Variants in MOCOS observed in about 807,000 individuals in gnomAD.
MOCOS encodes human molybdenum cofactor sulfurase.
MOCOS carries 86 observed loss-of-function variants against 83.6 expected under a neutral mutation model. The ratio of observed to expected loss-of-function variants is 1.03; its 90% CI spans 0.86 to 1.23. MOCOS has a LOEUF of 1.23. Ranked by LOEUF, MOCOS falls within the 50% of genes most tolerant of loss-of-function variation. The pLI is 0.00. For missense variants in MOCOS, 1,120 were observed against 1,126.9 expected, an observed-to-expected ratio of 0.99 and a Z score of 0.09; for synonymous variants, 445 against 434.7, an observed-to-expected ratio of 1.02 and a Z score of -0.29.
At chr18:36,238,193 T>C (rs2091566855) in intron 9 of MOCOS, among the ~76,000 whole-genome samples, 1 of 141,464 alleles carries the variant, frequency 7.1e-6, no homozygotes, top group Non-Finnish European at 1.5e-5. Flanking sequence ...ATGTGTTTGC[T>C]CTTGCTTTTC....
intron 9 of MOCOS, among the ~76,000 whole-genome samples, chr18:36,231,225 C>T (rs1364911279): frequency 1.3e-5 from 2 of 151,918 alleles, no homozygotes; most frequent in African/African-American, 2.4e-5. Flanking sequence ...TATTACATTA[C>T]TAGATTGTCT....
intron 9 of MOCOS, among the ~76,000 whole-genome samples, chr18:36,243,404 C>T (rs145194753): frequency 6.6e-6 from 1 of 152,102 alleles, no homozygotes; most frequent in African/African-American, 2.4e-5. Flanking sequence ...GTTTATGTGG[C>T]ATATCACATT....
At chr18:36,213,301 C>A (rs2091462064) in intron 6 of MOCOS, 65 bp from the exon 7 acceptor site, 3 of 1,244,734 alleles carry the variant, frequency 2.4e-6, no homozygotes, top group Non-Finnish European at 3.6e-6. Flanking sequence ...AAATCCTGAT[C>A]TGAATCTCTC....
At chr18:36,197,762 A>G (rs1423282332) in intron 2 of MOCOS, among the ~76,000 whole-genome samples, 2 of 152,118 alleles carry the variant, frequency 1.3e-5, no homozygotes, top group Middle Eastern at 6.8e-3. Context: ...ATAGAGTAAG[A>G]TTGTGTCTCT....
chr18:36,271,009 T>C lies in MOCOS; in HGVS notation c.*2324T>C, dbSNP rs1021726372. ...TTTTTTTTCTTTTTTTTCTTTTTGG[T>C]AGAGATGGCATCTCACTTTGTTGCC... On this transcript the variant is annotated 3_prime_UTR_variant, in exon 15 of 15. Coordinates refer to ENST00000261326, the MANE Select transcript of MOCOS (RefSeq NM_017947.4). 2.0e-5 allele frequency: 3 copies of C among 151,836 alleles called. No individual in the cohort carries two copies. The East Asian group carries it at 5.8e-4, about 30-fold the overall frequency. The allele number at this position is 151,836 out of a possible 1,614,324, so 9.4% of individuals were successfully genotyped here. A position where few individuals can be genotyped will look rare whatever the true frequency, so the allele number is the denominator to read the frequency against.
intron 6 of MOCOS, among the ~76,000 whole-genome samples, chr18:36,211,109 A>G (rs1047067763): frequency 1.3e-5 from 2 of 152,158 alleles, no homozygotes; most frequent in African/African-American, 4.8e-5. Flanking sequence ...AAGAAAGTGC[A>G]GTTACGGTTT....
At chr18:36,187,763 G>A in intron 1 of MOCOS, 82 bp downstream of exon 1, 7 of 1,229,418 alleles carry the variant, frequency 5.7e-6, no homozygotes, top group Non-Finnish European at 7.1e-6. Context: ...TGAGAGCGGC[G>A]CTACCTCATT....
At chr18:36,252,439 T>TC (rs2091625480) in intron 11 of MOCOS, among the ~76,000 whole-genome samples, 1 of 152,158 alleles carries the variant, frequency 6.6e-6, no homozygotes, top group African/African-American at 2.4e-5. Flanking sequence ...ATGCCTATAG[T>TC]CCCAGCTACT....
chr18:36,211,535 G>A (rs533129878), intron 6 of MOCOS, among the ~76,000 whole-genome samples: 1 of 152,144 alleles, frequency 6.6e-6, no homozygotes, highest in Admixed American at 6.5e-5. Context: ...AAAGGCTCCC[G>A]GGCTGGGAGC....
At chr18:36,241,721 G>C (rs924386332) in intron 9 of MOCOS, among the ~76,000 whole-genome samples, 6 of 152,222 alleles carry the variant, frequency 3.9e-5, no homozygotes, top group African/African-American at 1.4e-4. Flanking sequence ...GCAGACTTCT[G>C]TCTGGATATC....
chr18:36,187,655 G>T lies in MOCOS; in HGVS notation c.116G>T (p.Arg39Leu). The T allele has an allele frequency of 8.0e-7, 1 of 1,255,768 alleles. No homozygotes were observed. 77.8% of individuals were successfully genotyped at this position (1,255,768 alleles called of 1,614,324 possible). A position where few individuals can be genotyped will look rare whatever the true frequency, so the allele number is the denominator to read the frequency against. The change falls in exon 1 of 15, where the codon CGG becomes CTG. Residue 39 changes from arginine (R) to leucine (L), a missense_variant. Coordinates refer to ENST00000261326, the MANE Select transcript of MOCOS (RefSeq NM_017947.4). Reference protein sequence around the residue: ...GYGPGSLRELRAREFSRLAGT... With the variant: ...GYGPGSLRELLAREFSRLAGT... ...GGCCCGGGCAGCCTGCGCGAGCTGC[G>T]GGCGCGCGAGTTCAGCCGCCTGGCA...
chr18:36,198,507 A>G (rs2091399150), intron 2 of MOCOS, among the ~76,000 whole-genome samples, 183 bp from the exon 3 acceptor site: 1 of 152,232 alleles, frequency 6.6e-6, no homozygotes, highest in South Asian at 2.1e-4. Context: ...GAACATTCCC[A>G]TGCAAGTCTG....
At chr18:36,216,452 CA>C (rs1294757263) in intron 8 of MOCOS, among the ~76,000 whole-genome samples, 5 of 152,158 alleles carry the variant, frequency 3.3e-5, no homozygotes, top group African/African-American at 1.2e-4. Context: ...AAGTCTTTGG[CA>C]ATATGTACAT....
intron 1 of MOCOS, among the ~76,000 whole-genome samples, chr18:36,188,823 CG>C (rs1052462168): frequency 2.7e-5 from 4 of 147,406 alleles, no homozygotes; most frequent in Non-Finnish European, 4.5e-5. Flanking sequence ...AGGAGGGAGA[CG>C]GGGGTGCCTT....
chr18:36,204,712 G>A (rs540433827), intron 5 of MOCOS, among the ~76,000 whole-genome samples: 1 of 152,256 alleles, frequency 6.6e-6, no homozygotes, highest in South Asian at 2.1e-4. Context: ...AGTTAGTGGT[G>A]CCAGGCGTGG....
At chr18:36,266,875 G>T in intron 14 of MOCOS, 22 bp downstream of exon 14, 1 of 1,577,674 alleles carries the variant, frequency 6.3e-7, no homozygotes, top group South Asian at 1.1e-5. Context: ...TGCAAAATAT[G>T]ACACCTGGTT....
chr18:36,198,145 G>C (rs558029127), intron 2 of MOCOS, among the ~76,000 whole-genome samples: 4 of 151,752 alleles, frequency 2.6e-5, no homozygotes, highest in African/African-American at 4.8e-5. Context: ...CCTAGCACTT[G>C]GGGAGGCTGA....
chr18:36,217,767 A>G (rs1412302296), intron 8 of MOCOS, among the ~76,000 whole-genome samples: 2 of 152,218 alleles, frequency 1.3e-5, no homozygotes, highest in Non-Finnish European at 2.9e-5. Context: ...TTGGTCTTGT[A>G]GCTTAGGAAA....
chr18:36,254,465 TGTG>T (rs2091633834), intron 11 of MOCOS, among the ~76,000 whole-genome samples: 1 of 108,836 alleles, frequency 9.2e-6, no homozygotes, highest in African/African-American at 4.3e-5. Flanking sequence ...TCTCTGTGTG[TGTG>T]TGTGTGTGTG....
Sources: allele counts gnomAD v4.1 joint callset (sites outside exome capture counted in the v4.1 genomes callset), GRCh38; gene constraint gnomAD v4.1.1; transcripts MANE v1.5; gene names NCBI Gene and HGNC (gene_info 2026-07-23, HGNC 2026-07-21).